The following ADGRV1 variants were observed in gnomAD, a reference collection of about 807,000 sequenced individuals.
ADGRV1 encodes the protein G-protein coupled receptor 98.
Under a neutral mutation model 596.2 loss-of-function variants are expected in ADGRV1, and 359 were observed. The observed-to-expected ratio is 0.60, with a 90% CI of 0.55 to 0.66. ADGRV1 has a LOEUF of 0.66. Ranked by LOEUF, ADGRV1 falls within the 30% of genes least tolerant of loss-of-function variation. The pLI is 0.00. For synonymous variants in ADGRV1, 2,681 were observed against 2,679.2 expected (o/e 1.00, Z -0.02); for missense variants, 7,274 against 7,575.6 (o/e 0.96, Z 1.48).
chr5:90,666,003 T>C (rs1430380144), intron 21 of ADGRV1, among the ~76,000 whole-genome samples: 1 of 151,456 alleles, frequency 6.6e-6, no homozygotes, highest in Non-Finnish European at 1.5e-5. Context: ...CTCTGTTCTT[T>C]TACATTTGCT....
chr5:90,597,504 G>A (rs1048980337), intron 1 of ADGRV1, among the ~76,000 whole-genome samples: 4 of 152,178 alleles, frequency 2.6e-5, no homozygotes, highest in African/African-American at 9.7e-5. Context: ...CCACACTGGG[G>A]AATATTGGTT....
At chr5:90,916,744 TGCCTCA>T (rs1158530382) in intron 83 of ADGRV1, among the ~76,000 whole-genome samples, 1 of 148,974 alleles carries the variant, frequency 6.7e-6, no homozygotes, top group East Asian at 2.0e-4. Context: ...GCCATTCTCC[TGCCTCA>T]GCCTCCCGAG....
At chr5:91,019,390 T>TATGGATGATC (rs1299617461) in intron 85 of ADGRV1, among the ~76,000 whole-genome samples, 1 of 152,034 alleles carries the variant, frequency 6.6e-6, no homozygotes, top group African/African-American at 2.4e-5. Context: ...TTTAATCTGG[T>TATGGATGATC]ATGGATGATC....
At chr5:90,866,949 T>C (rs1443686036) in intron 83 of ADGRV1, among the ~76,000 whole-genome samples, 3 of 152,170 alleles carry the variant, frequency 2.0e-5, no homozygotes, top group African/African-American at 7.2e-5. Flanking sequence ...CAAGAAATTG[T>C]GGGGCTCTTC....
chr5:91,104,846 C>CTTTCT (rs986896687), intron 87 of ADGRV1, among the ~76,000 whole-genome samples: 1 of 141,318 alleles, frequency 7.1e-6, no homozygotes, highest in African/African-American at 2.5e-5. Context: ...CTTTTCTTTT[C>CTTTCT]TTTCTTTTCT....
intron 38 of ADGRV1, among the ~76,000 whole-genome samples, 158 bp downstream of exon 38, chr5:90,706,552 CAT>C (rs935033481): frequency 3.3e-5 from 5 of 151,676 alleles, no homozygotes; most frequent in African/African-American, 7.3e-5. Flanking sequence ...CTCGATAACT[CAT>C]ATATTTTTCC....
rs377744814 is a variant in ADGRV1 at position 90,668,427 on chromosome 5, CT to C, written c.4753-4117del. ...ACTAGGAAAGGGAACTCCCTGACCC[CT>C]TGCGCTTCCCGAGTGAGGCAATGCC... On this transcript the variant is annotated intron_variant, in intron 21 of 89. Transcript: ENST00000405460. 6.5e-4 allele frequency among the ~76,000 whole-genome samples: 99 copies of C among 152,334 alleles called. 1 individual carries two copies. In the East Asian group the frequency reaches 0.014, roughly 22 times the overall value.
intron 85 of ADGRV1, among the ~76,000 whole-genome samples, chr5:91,009,352 A>G (rs749225195): frequency 6.6e-6 from 1 of 152,152 alleles, no homozygotes; most frequent in Non-Finnish European, 1.5e-5. Context: ...CAATTCTGCC[A>G]CAGGTCTCAG....
At chr5:90,663,386 G>GT (rs1943681807) in intron 21 of ADGRV1, among the ~76,000 whole-genome samples, 2 of 151,192 alleles carry the variant, frequency 1.3e-5, no homozygotes, top group Non-Finnish European at 2.9e-5. Flanking sequence ...TTTTTCATGT[G>GT]TTTTTTGGCT....
At position 90,969,546 on chromosome 5, in the gene ADGRV1, C is replaced by T. The variant is rs568243233; in HGVS notation, c.17973+4015C>T. On this transcript the variant is annotated intron_variant, in intron 84 of 89. Coordinates refer to ENST00000405460, the MANE Select transcript of ADGRV1 (RefSeq NM_032119.4). ...CTTGCCTCTGTTTCTTCAGGCTTCC[C>T]TTTTCTTTGACAGAGAAGTCACACA... Among the ~76,000 whole-genome samples the T allele has an allele frequency of 2.0e-5, 3 of 152,284 alleles. No homozygotes were observed. In the South Asian group the frequency reaches 6.2e-4, roughly 32 times the overall value.
intron 78 of ADGRV1, among the ~76,000 whole-genome samples, chr5:90,842,577 G>T (rs1036782816): frequency 1.2e-4 from 18 of 152,084 alleles, no homozygotes; most frequent in African/African-American, 4.3e-4. Context: ...AATTAGCCGG[G>T]CATGGTGGCA....
chr5:90,641,843 A>G (rs918840785), intron 11 of ADGRV1, among the ~76,000 whole-genome samples: 5 of 152,212 alleles, frequency 3.3e-5, no homozygotes, highest in African/African-American at 1.2e-4. Flanking sequence ...AAACTCTCAG[A>G]ACATTGCAGT....
At chr5:91,001,909 C>T (rs1242168793) in intron 85 of ADGRV1, among the ~76,000 whole-genome samples, 1 of 152,078 alleles carries the variant, frequency 6.6e-6, no homozygotes, top group Non-Finnish European at 1.5e-5. Context: ...AATTCAATTG[C>T]AAGCTGTGTT....
intron 85 of ADGRV1, among the ~76,000 whole-genome samples, chr5:91,014,597 TTATTTCA>T (rs1783025738): frequency 6.8e-6 from 1 of 146,014 alleles, no homozygotes; most frequent in African/African-American, 2.6e-5. Flanking sequence ...TTCAGGGAAT[TTATTTCA>T]TCCTGATTCA....
At chr5:91,098,636 C>T (rs1428072594) in intron 86 of ADGRV1, among the ~76,000 whole-genome samples, 9 of 152,134 alleles carry the variant, frequency 5.9e-5, no homozygotes, top group Admixed American at 3.9e-4. Flanking sequence ...TTTTTCCTTA[C>T]GGAGTTTCTA....
Position 91,095,206 on chromosome 5 carries a change from A to ATT in ADGRV1, c.18311-7000_18311-6999dup, listed in dbSNP as rs561153977. Among the ~76,000 whole-genome samples, 596 of 147,520 alleles carry ATT rather than the reference A, an allele frequency of 4.0e-3. 5 individuals carry two copies. The highest frequency in any genetic ancestry group is 0.014 in the African/African-American group (574 of 39,814). ...TCTTTGAACAATTTGCAAACCCAGT[A>ATT]TTTTTTTTTTTTTTACACGGGGTCT... is the stretch of plus-strand genomic sequence containing the variant. On this transcript the variant is annotated intron_variant, in intron 86 of 89. Coordinates refer to ENST00000405460, the MANE Select transcript of ADGRV1 (RefSeq NM_032119.4).
chr5:90,563,533 AT>A (rs1224559631), intron 1 of ADGRV1, among the ~76,000 whole-genome samples: 2 of 152,250 alleles, frequency 1.3e-5, no homozygotes, highest in African/African-American at 4.8e-5. Flanking sequence ...AAGACATACA[AT>A]AGCTTCAAAT....
intron 85 of ADGRV1, among the ~76,000 whole-genome samples, chr5:91,048,138 T>C (rs1348191397): frequency 6.6e-6 from 1 of 152,194 alleles, no homozygotes; most frequent in East Asian, 1.9e-4. Context: ...AGGAAGAATA[T>C]GGAAGAGAGG....
intron 85 of ADGRV1, among the ~76,000 whole-genome samples, chr5:90,999,993 A>T (rs1045376714): frequency 1.3e-5 from 2 of 152,142 alleles, no homozygotes; most frequent in Non-Finnish European, 2.9e-5. Flanking sequence ...CTTTTTCTGA[A>T]AATAATGTTA....
Sources: allele counts gnomAD v4.1 joint callset (sites outside exome capture counted in the v4.1 genomes callset), GRCh38; gene constraint gnomAD v4.1.1; transcripts MANE v1.5; gene names NCBI Gene and HGNC (gene_info 2026-07-23, HGNC 2026-07-21).